The following FBF1 variants were observed in gnomAD, a reference collection of about 807,000 sequenced individuals.
The protein encoded by FBF1 is Fas binding factor 1.
Under a neutral mutation model 147.2 loss-of-function variants are expected in FBF1, and 119 were observed. The ratio of observed to expected loss-of-function variants is 0.81; its 90% CI spans 0.70 to 0.94. The LOEUF is 0.94. Among genes scored for constraint, FBF1 ranks in the 40% least tolerant of loss-of-function variants. The probability of loss-of-function intolerance (pLI) is 0.00; values close to 1 mark genes in which losing one functional copy is unlikely to be tolerated. For synonymous variants in FBF1, 601 were observed against 609.0 expected (o/e 0.99, Z 0.19); for missense variants, 1,449 against 1,500.8 (o/e 0.97, Z 0.57).
At position 75,919,755 on chromosome 17, in the gene FBF1, G is replaced by A. The variant is rs1475775233; in HGVS notation, c.2051C>T (p.Ala684Val). The change falls in exon 20 of 30, where the codon GCT becomes GTT. Residue 684 changes from alanine (A) to valine (V), a missense_variant. Physicochemically the swap from Ala to Val is moderately conservative, Grantham distance 64. Coordinates refer to ENST00000636174, the MANE Select transcript of FBF1 (RefSeq NM_001319193.2). This position sits in a 1 kb window ranked among gnomAD's most constrained non-coding sequence, Gnocchi z 5.0. ...CCGCTGGTGCTGGGCCGTAAGCTCA[G>A]CACGGGCCTGTTCGGCCTCCTGGCA... ...SQCQEAEQAR[A>V]ELTAQHQRRL... 1.2e-6 allele frequency: 2 copies of A among 1,613,498 alleles called. No individual in the cohort carries two copies. The highest frequency in any genetic ancestry group is 1.7e-6 in the Non-Finnish European group (2 of 1,179,884).
intron 9 of FBF1, 66 bp from the exon 10 acceptor site, chr17:75,926,943 T>A (rs1046853850): frequency 1.3e-6 from 2 of 1,558,020 alleles, no homozygotes; most frequent in East Asian, 4.8e-5. Context: ...AAGCCTGAAC[T>A]GGGGAGCAGC....
intron 28 of FBF1, 23 bp downstream of exon 28, chr17:75,913,679 C>T (rs770178243): frequency 3.2e-6 from 5 of 1,560,298 alleles, no homozygotes; most frequent in Non-Finnish European, 3.5e-6. Flanking sequence ...GAGCCGCCGG[C>T]CCTTCCTTCT....
chr17:75,914,700 C>T (rs1339316337), intron 25 of FBF1, 47 bp downstream of exon 25: 2 of 1,475,494 alleles, frequency 1.4e-6, no homozygotes, highest in South Asian at 2.7e-5. Flanking sequence ...GATGGAGGGG[C>T]GCAGGCAACC....
In FBF1 at chr17:75,910,629, A is replaced by C; in HGVS notation, c.*94T>G. ...GTCATCAGGCCTCAAGCATCTCAGA[A>C]TCCTCCCCAGGCACTGCCTCCATGG... On this transcript the variant is annotated 3_prime_UTR_variant, in exon 30 of 30. Transcript: ENST00000636174. The surrounding 1 kb of genome is among the most constrained non-coding windows in gnomAD (Gnocchi z 4.1). 9.1e-7 allele frequency: 1 copy of C among 1,098,894 alleles called. No homozygotes were observed. Among genetic ancestry groups the C allele is most frequent in the Non-Finnish European group, 1.3e-6 (1 of 748,774 alleles). The allele number at this position is 1,098,894 out of a possible 1,614,324, so 68.1% of individuals were successfully genotyped here. A position where few individuals can be genotyped will look rare whatever the true frequency, so the allele number is the denominator to read the frequency against.
At position 75,914,835 on chromosome 17, in the gene FBF1, T is replaced by TA; in HGVS notation, c.2725_2726insT (p.Lys909IlefsTer4). The TA allele has an allele frequency of 6.3e-7, 1 of 1,592,410 alleles. No individual in the cohort carries two copies. Among genetic ancestry groups the TA allele is most frequent in the Non-Finnish European group, 8.6e-7 (1 of 1,169,054 alleles). On this transcript the variant is annotated frameshift_variant, in exon 25 of 30. Coordinates refer to ENST00000636174, the MANE Select transcript of FBF1 (RefSeq NM_001319193.2). LOFTEE classifies it high-confidence loss of function. ...GCGCTCGGCCCGCTCCTTACTCAGCTTTTGCTGCGCGGAGAACTCCGCCCA... is the reference window on the plus strand; with the variant it reads ...GCGCTCGGCCCGCTCCTTACTCAGCTATTTGCTGCGCGGAGAACTCCGCCCA...
Position 75,918,042 on chromosome 17 carries a change from C to T in FBF1, c.2275G>A (p.Glu759Lys), listed in dbSNP as rs750132953. 2 of 1,611,324 alleles carry T rather than the reference C, an allele frequency of 1.2e-6. No individual in the cohort carries two copies. The highest frequency in any genetic ancestry group is 1.7e-5 in the Admixed American group (1 of 59,834). The change falls in exon 22 of 30, where the codon GAG (glutamate) becomes AAG (lysine). Residue 759 changes from glutamate to lysine, a missense_variant. Transcript: ENST00000636174. This position sits in a 1 kb window ranked among gnomAD's most constrained non-coding sequence, Gnocchi z 5.8. Reference sequence around the variant, plus strand: ...TCGTGCAGGCTGCTGGAGAACTTCTCCATCTGGTGGATGATGCTATTCAGG... The same window carrying T: ...TCGTGCAGGCTGCTGGAGAACTTCTTCATCTGGTGGATGATGCTATTCAGG... ...RSLNSIIHQM[E>K]KFSSSLHELS...
Position 75,923,275 on chromosome 17 carries a change from C to T in FBF1, c.1335G>A (p.Lys445=), listed in dbSNP as rs1457365182. Residue 445 remains lysine (K), a synonymous_variant, in exon 14 of 30, where the codon AAG becomes AAA. Transcript: ENST00000636174. The surrounding 1 kb of genome is among the most constrained non-coding windows in gnomAD (Gnocchi z 4.1). The part of the protein sequence containing the change: ...EDWLSHALSR[K]KSQGLAREQH... ...GCTCTCTGGCCAGGCCTTGGGACTT[C>T]TTCCGAGACAGGGCATGGCTCAGCC... 1.9e-6 allele frequency: 3 copies of T among 1,590,952 alleles called. No homozygotes were observed. In the South Asian group the frequency reaches 3.4e-5, roughly 18 times the overall value.
Position 75,914,302 on chromosome 17 carries a change from G to T in FBF1, c.2815-4C>A. On this transcript the variant is annotated splice_region_variant and splice_polypyrimidine_tract_variant and intron_variant, in intron 25 of 29. Coordinates refer to ENST00000636174, the MANE Select transcript of FBF1 (RefSeq NM_001319193.2). ...TGATCTTCAGCTCAGCCTGCTCCTG[G>T]AGACAGCGGAGGCCCTGCTGCATTC... The T allele has an allele frequency of 6.3e-7, 1 of 1,586,610 alleles. No homozygotes were observed.
chr17:75,910,931 C>G lies in FBF1; in HGVS notation c.3364-125G>C. ...ACATCGTCCCTGACTCTGCCTGGCT[C>G]TGGGAGTCAGCAGGGGCCATGAAAG... On this transcript the variant is annotated intron_variant, in intron 29 of 29. Coordinates refer to ENST00000636174, the MANE Select transcript of FBF1 (RefSeq NM_001319193.2). This position sits in a 1 kb window ranked among gnomAD's most constrained non-coding sequence, Gnocchi z 4.1. The G allele has an allele frequency of 1.3e-6, 1 of 777,252 alleles. No individual in the cohort carries two copies. The highest frequency in any genetic ancestry group is 2.1e-6 in the Non-Finnish European group (1 of 470,968). The allele number at this position is 777,252 out of a possible 1,614,324, so 48.1% of individuals were successfully genotyped here.
chr17:75,932,468 C>T (rs935800302), intron 5 of FBF1, among the ~76,000 whole-genome samples: 9 of 152,100 alleles, frequency 5.9e-5, no homozygotes, highest in Admixed American at 2.0e-4. Flanking sequence ...GAAGTGAGCA[C>T]GGCCAGGTGC....
At chr17:75,924,225 A>C (rs1010193294) in intron 13 of FBF1, among the ~76,000 whole-genome samples, 1 of 152,058 alleles carries the variant, frequency 6.6e-6, no homozygotes, top group Non-Finnish European at 1.5e-5. Flanking sequence ...AAAAAATAAT[A>C]ATAAGTTGGA....
intron 7 of FBF1, 120 bp downstream of exon 7, chr17:75,929,877 G>T: frequency 1.1e-6 from 1 of 900,154 alleles, no homozygotes; most frequent in Non-Finnish European, 1.7e-6. Context: ...CACGAGGAAG[G>T]GCTCAGAAAC....
chr17:75,911,180 G>A (rs1045670863), intron 29 of FBF1, among the ~76,000 whole-genome samples: 4 of 152,052 alleles, frequency 2.6e-5, no homozygotes, highest in East Asian at 1.9e-4. Context: ...TAGCTAATCC[G>A]CAGGCCAAGG....
At position 75,925,495 on chromosome 17, in the gene FBF1, C is replaced by T. The variant is rs115294469; in HGVS notation, c.869-49G>A. The stretch of plus-strand genomic sequence containing the variant: ...CGTGATCTGGAGTAGGGGAACCAAG[C>T]TCATTTGCGGCTGCAAAATTCTAAC... On this transcript the variant is annotated intron_variant, in intron 12 of 29. Coordinates refer to ENST00000636174, the MANE Select transcript of FBF1 (RefSeq NM_001319193.2). The surrounding 1 kb of genome is among the most constrained non-coding windows in gnomAD (Gnocchi z 5.0). 4.0e-3 allele frequency: 6,093 copies of T among 1,523,256 alleles called. 135 individuals are homozygous for T. In the African/African-American group the frequency reaches 0.055, roughly 14 times the overall value. 94.4% of individuals were successfully genotyped at this position (1,523,256 alleles called of 1,614,324 possible). A position where few individuals can be genotyped will look rare whatever the true frequency, so the allele number is the denominator to read the frequency against.
intron 18 of FBF1, 33 bp from the exon 19 acceptor site, chr17:75,920,140 A>C: frequency 6.3e-7 from 1 of 1,580,610 alleles, no homozygotes; most frequent in Non-Finnish European, 8.6e-7. Flanking sequence ...GCAACCAGGG[A>C]GGGGAGGTGG....
chr17:75,937,642 A>C, intron 2 of FBF1, 49 bp from the exon 3 acceptor site: 2 of 1,608,664 alleles, frequency 1.2e-6, no homozygotes, highest in East Asian at 2.2e-5. Flanking sequence ...CAGTGAACAC[A>C]GGTGGAAATT....
rs1238520005 is a variant in FBF1 at position 75,940,830 on chromosome 17, C to G, written c.-84+18G>C. The G allele has an allele frequency of 1.3e-5, 2 of 153,888 alleles. No homozygotes were observed. The highest frequency in any genetic ancestry group is 4.8e-5 in the African/African-American group (2 of 41,462). The allele number at this position is 153,888 out of a possible 1,614,324, so 9.5% of individuals were successfully genotyped here. A position where few individuals can be genotyped will look rare whatever the true frequency, so the allele number is the denominator to read the frequency against. On this transcript the variant is annotated intron_variant, in intron 1 of 29. Transcript: ENST00000636174. Reference sequence around the variant, plus strand: ...GTCGCCCCTCCGTCCCGAGACTCCGCGCCCCTCAATGCGTCACCCTTCTGA... The same window carrying G: ...GTCGCCCCTCCGTCCCGAGACTCCGGGCCCCTCAATGCGTCACCCTTCTGA...
At position 75,923,547 on chromosome 17, in the gene FBF1, C is replaced by A; in HGVS notation, c.1063G>T (p.Gly355Ter). ...TTGAGGCCCAACCAGTCAGCTCCTC[C>A]CTTCCTGGGCTGGATGGGGCTGGAA... ...MASSPIQPRK[G>*]GADWLGLKDE... Residue 355 changes from glycine (G) to a stop codon, truncating the protein, a stop_gained, in exon 14 of 30, where the codon GGA becomes TGA. Transcript: ENST00000636174. LOFTEE classifies it high-confidence loss of function. This position sits in a 1 kb window ranked among gnomAD's most constrained non-coding sequence, Gnocchi z 4.1. The A allele has an allele frequency of 6.2e-7, 1 of 1,608,164 alleles. No individual in the cohort carries two copies. The highest frequency in any genetic ancestry group is 2.2e-5 in the East Asian group (1 of 44,744).
chr17:75,935,600 A>C, intron 4 of FBF1, 32 bp downstream of exon 4: 1 of 1,532,578 alleles, frequency 6.5e-7, no homozygotes, highest in Non-Finnish European at 8.7e-7. Flanking sequence ...GCAGCAGCCC[A>C]AATTAGGGGA....
Sources: allele counts gnomAD v4.1 joint callset (sites outside exome capture counted in the v4.1 genomes callset), GRCh38; gene constraint gnomAD v4.1.1; non-coding constraint Gnocchi (gnomAD v3.1); transcripts MANE v1.5; gene names NCBI Gene and HGNC (gene_info 2026-07-23, HGNC 2026-07-21).